THOC5: variants seen among roughly 807,000 people sequenced by gnomAD.
THOC5 encodes THO complex subunit 5.
THOC5 carries 43 observed loss-of-function variants against 92.9 expected under a neutral mutation model. That is an observed-to-expected ratio of 0.46 (90% confidence interval 0.36 to 0.60). The LOEUF (loss-of-function observed/expected upper bound fraction) is 0.60. THOC5 is among the 20% of genes least tolerant of loss of function. The probability of loss-of-function intolerance (pLI) is 0.00; values close to 1 mark genes in which losing one functional copy is unlikely to be tolerated. For synonymous variants in THOC5, 296 were observed against 320.1 expected, an observed-to-expected ratio of 0.92 and a Z score of 0.80; for missense variants, 659 against 849.4, an observed-to-expected ratio of 0.78 and a Z score of 2.79.
chr22:29,526,899 C>A (rs1225383152), intron 11 of THOC5, among the ~76,000 whole-genome samples: 2 of 152,144 alleles, frequency 1.3e-5, no homozygotes, highest in African/African-American at 2.4e-5. Context: ...CAACTAAATG[C>A]ACTTTGAGAC....
At chr22:29,530,515 A>G (rs547793096) in intron 8 of THOC5, among the ~76,000 whole-genome samples, 16 of 152,104 alleles carry the variant, frequency 1.1e-4, no homozygotes, top group African/African-American at 3.9e-4. Context: ...GCCAGACTCC[A>G]TCTCAAAAAA....
intron 17 of THOC5, among the ~76,000 whole-genome samples, chr22:29,514,323 T>TC (rs1336487651): frequency 6.6e-6 from 1 of 151,096 alleles, no homozygotes; most frequent in Non-Finnish European, 1.5e-5. Context: ...GAATTTTTTT[T>TC]TTTTTTTTTT....
At chr22:29,531,715 T>A in intron 8 of THOC5, 116 bp downstream of exon 8, 1 of 1,490,514 alleles carries the variant, frequency 6.7e-7, no homozygotes, top group Non-Finnish European at 8.9e-7. Flanking sequence ...TTCTGTCACC[T>A]GAGGGCTTCG....
intron 11 of THOC5, among the ~76,000 whole-genome samples, chr22:29,526,844 G>A (rs891486975): frequency 1.3e-5 from 2 of 152,114 alleles, no homozygotes; most frequent in Non-Finnish European, 2.9e-5. Context: ...GAAACACAAG[G>A]AAAGACTGAG....
intron 17 of THOC5, among the ~76,000 whole-genome samples, chr22:29,514,315 ATTTT>A (rs1179250004): frequency 1.5e-5 from 2 of 137,836 alleles, no homozygotes; most frequent in Non-Finnish European, 1.6e-5. Flanking sequence ...TGACTGAAGA[ATTTT>A]TTTTTTTTTT....
chr22:29,516,904 C>A, intron 17 of THOC5, 125 bp downstream of exon 17: 1 of 848,654 alleles, frequency 1.2e-6, no homozygotes, highest in Non-Finnish European at 1.9e-6. Context: ...CAGGCTCTCA[C>A]GATCATTATT....
At chr22:29,519,634 CTT>C (rs34656123) in intron 14 of THOC5, among the ~76,000 whole-genome samples, 12 of 140,852 alleles carry the variant, frequency 8.5e-5, no homozygotes, top group Non-Finnish European at 1.4e-4. Flanking sequence ...CATGACAGGC[CTT>C]TTTTTTTTTT....
At chr22:29,511,001 G>T in intron 19 of THOC5, 105 bp downstream of exon 19, 1 of 1,243,236 alleles carries the variant, frequency 8.0e-7, no homozygotes, top group Non-Finnish European at 1.1e-6. Context: ...TCGGCTGCAG[G>T]GGAAGTTTCA....
chr22:29,508,507 T>A lies in THOC5; in HGVS notation c.2002A>T (p.Met668Leu). 6.2e-7 allele frequency: 1 copy of A among 1,614,074 alleles called. No individual in the cohort carries two copies. The highest frequency in any genetic ancestry group is 1.1e-5 in the South Asian group (1 of 91,082). ...CLRLFRGPSR[M>L]KPFKYNHPQG... ...GGATGGTTGTATTTAAATGGCTTCA[T>A]CCTGCTAGGACCCCTAGAGAAATAG... is the stretch of plus-strand genomic sequence containing the variant. Residue 668 changes from methionine (M) to leucine (L), a missense_variant, in exon 20 of 20, where the codon ATG (methionine) becomes TTG (leucine). Coordinates refer to ENST00000490103, the MANE Select transcript of THOC5 (RefSeq NM_003678.5).
intron 17 of THOC5, among the ~76,000 whole-genome samples, chr22:29,516,492 C>T (rs1193886469): frequency 6.6e-6 from 1 of 152,142 alleles, no homozygotes; most frequent in East Asian, 1.9e-4. Flanking sequence ...TTGGGTGGGA[C>T]AACAGCACAA....
intron 19 of THOC5, among the ~76,000 whole-genome samples, chr22:29,509,266 ACT>A (rs1165065671): frequency 1.4e-5 from 2 of 146,126 alleles, no homozygotes; most frequent in African/African-American, 2.5e-5. Flanking sequence ...ACAGAGTGAG[ACT>A]CTGTCTCAAA....
At position 29,525,961 on chromosome 22, in the gene THOC5, G is replaced by A. The variant is rs750105960; in HGVS notation, c.1067-15C>T. The stretch of plus-strand genomic sequence containing the variant: ...CACACTGTCATCTGGAGGGGAGGAA[G>A]ATGAGAGAATTTATGAGTCAAAACA... On this transcript the variant is annotated splice_polypyrimidine_tract_variant and intron_variant, in intron 11 of 19. Coordinates refer to ENST00000490103, the MANE Select transcript of THOC5 (RefSeq NM_003678.5). 6 of 1,581,960 alleles carry A rather than the reference G, an allele frequency of 3.8e-6. No homozygotes were observed. The highest frequency in any genetic ancestry group is 1.1e-5 in the South Asian group (1 of 90,570).
At chr22:29,527,368 G>A (rs1350447819) in intron 11 of THOC5, among the ~76,000 whole-genome samples, 1 of 152,158 alleles carries the variant, frequency 6.6e-6, no homozygotes, top group Non-Finnish European at 1.5e-5. Flanking sequence ...GCAGTGAGCC[G>A]TGATCATGCC....
chr22:29,507,325 C>T lies in THOC5; in HGVS notation c.*1132G>A, dbSNP rs1236007001. 1 of 152,146 alleles carries T rather than the reference C, an allele frequency of 6.6e-6. No homozygotes were observed. Among genetic ancestry groups the T allele is most frequent in the Admixed American group, 6.5e-5 (1 of 15,270 alleles). 9.4% of individuals were successfully genotyped at this position (152,146 alleles called of 1,614,324 possible). ...TGAAGACCTTTATGGTGATCCACTT[C>T]TACTTAATAGTAGATATATATTTTC... On this transcript the variant is annotated 3_prime_UTR_variant, in exon 20 of 20. Transcript: ENST00000490103.
At chr22:29,520,889 T>G (rs113970779) in intron 13 of THOC5, 109 bp downstream of exon 13, 5 of 791,042 alleles carry the variant, frequency 6.3e-6, no homozygotes, top group African/African-American at 1.7e-5. Context: ...CTGTGGTCTT[T>G]CCTATCCTCT....
At chr22:29,531,677 A>G in intron 8 of THOC5, 154 bp downstream of exon 8, 2 of 1,449,996 alleles carry the variant, frequency 1.4e-6, no homozygotes, top group Non-Finnish European at 1.8e-6. Flanking sequence ...CAGAGCAGCC[A>G]TGCTGGGCAA....
At position 29,548,510 on chromosome 22, in the gene THOC5, G is replaced by A. The variant is rs190662376; in HGVS notation, c.96+542C>T. Among the ~76,000 whole-genome samples the A allele has an allele frequency of 1.4e-4, 22 of 152,214 alleles. No homozygotes were observed. In the East Asian group the frequency reaches 2.7e-3, roughly 19 times the overall value. ...ATGCAGTCTGCAGTGAGCAGAAATC[G>A]TGCCACTGTACTCCGACGTGAGCGA... On this transcript the variant is annotated intron_variant, in intron 2 of 19. Transcript: ENST00000490103.
intron 5 of THOC5, among the ~76,000 whole-genome samples, chr22:29,540,396 A>G (rs2063856712): frequency 1.3e-5 from 2 of 152,230 alleles, no homozygotes; most frequent in Admixed American, 1.3e-4. Context: ...TCCTCACCTC[A>G]TTTAAGCCTC....
chr22:29,536,592 T>C, intron 7 of THOC5, 32 bp downstream of exon 7: 1 of 1,346,176 alleles, frequency 7.4e-7, no homozygotes, highest in Non-Finnish European at 1.1e-6. Flanking sequence ...TGGTCAGTGG[T>C]GAAGGCAAAG....
Sources: gnomAD v4.1 joint callset for allele counts (sites outside exome capture counted in the v4.1 genomes callset) on GRCh38, gnomAD v4.1.1 for gene constraint, MANE v1.5 for transcripts, NCBI Gene and HGNC (gene_info 2026-07-23, HGNC 2026-07-21) for gene names.